TRPS1: variants seen among roughly 807,000 people sequenced by gnomAD.
The protein encoded by TRPS1 is zinc finger transcription factor Trps1.
A neutral mutation model predicts 101.2 loss-of-function variants in TRPS1; 6 were observed. That is an observed-to-expected ratio of 0.06 (90% CI 0.03 to 0.12). The LOEUF (loss-of-function observed/expected upper bound fraction) is 0.12. Among genes scored for constraint, TRPS1 ranks in the 10% least tolerant of loss-of-function variants. TRPS1 has a pLI of 1.00. For missense variants in TRPS1, 1,363 were observed against 1,567.0 expected, an observed-to-expected ratio of 0.87 and a Z score of 2.20; for synonymous variants, 578 against 589.8, an observed-to-expected ratio of 0.98 and a Z score of 0.29.
chr8:115,667,820 T>C (rs1811959345), intron 1 of TRPS1: 3 of 1,534,510 alleles, frequency 2.0e-6, no homozygotes, highest in Admixed American at 2.0e-5. Flanking sequence ...TTGGAGACCA[T>C]ACGGAGGCCC....
chr8:115,433,422 A>C (rs2129842240), intron 5 of TRPS1, among the ~76,000 whole-genome samples: 1 of 152,250 alleles, frequency 6.6e-6, no homozygotes, highest in Admixed American at 6.5e-5. Flanking sequence ...GATAATATTT[A>C]GTATTGCAAC....
intron 5 of TRPS1, among the ~76,000 whole-genome samples, chr8:115,519,482 G>A (rs1815803306): frequency 6.6e-6 from 1 of 151,414 alleles, no homozygotes; most frequent in Non-Finnish European, 1.5e-5. Flanking sequence ...AATTTATTTA[G>A]TGACTCAAAG....
In TRPS1 at chr8:115,604,526, A is replaced by T. The variant is rs749936713; in HGVS notation, c.1443T>A (p.Asn481Lys). The T allele has an allele frequency of 3.7e-6, 6 of 1,614,068 alleles. No individual in the cohort carries two copies. In the South Asian group the frequency reaches 6.6e-5, roughly 18 times the overall value. Residue 481 changes from asparagine to lysine, a missense_variant, in exon 4 of 7, where the codon AAT (asparagine) becomes AAA (lysine). Coordinates refer to ENST00000395715, the MANE Select transcript of TRPS1 (RefSeq NM_014112.5). The surrounding 1 kb of genome is among the most constrained non-coding windows in gnomAD (Gnocchi z 4.1). ...QHGAVQSGGL[N>K]PELNDKLSRG... ...TGGAAAGCTTATCATTTAACTCTGG[A>T]TTAAGGCCGCCTGACTGCACTGCTC...
At chr8:115,608,788 C>T (rs1818097648) in intron 3 of TRPS1, among the ~76,000 whole-genome samples, 1 of 151,648 alleles carries the variant, frequency 6.6e-6, no homozygotes, top group African/African-American at 2.4e-5. Context: ...AATTTACTTT[C>T]ATATATTTTT....
chr8:115,656,651 T>C (rs1265071236), intron 1 of TRPS1, among the ~76,000 whole-genome samples: 1 of 152,164 alleles, frequency 6.6e-6, no homozygotes. Flanking sequence ...ACTGTTTTTT[T>C]GAAGTGAAAA....
rs550030192 is a variant in TRPS1, at chr8:115,662,725, T to C, written c.-122+5820A>G. ...AAAAAAAAGGAAACTATAAATACTG[T>C]TTGATAAATAGGGTTAAAAAATTAT... On this transcript the variant is annotated intron_variant, in intron 1 of 6. Coordinates refer to ENST00000395715, the MANE Select transcript of TRPS1 (RefSeq NM_014112.5). Among the ~76,000 whole-genome samples, 20 of 150,954 alleles carry C rather than the reference T, an allele frequency of 1.3e-4. No individual in the cohort carries two copies. The East Asian group carries it at 3.7e-3, about 28-fold the overall frequency.
intron 5 of TRPS1, among the ~76,000 whole-genome samples, chr8:115,442,994 G>T (rs1813644958): frequency 6.6e-6 from 1 of 152,100 alleles, no homozygotes; most frequent in Non-Finnish European, 1.5e-5. Context: ...TGCCAGAGAG[G>T]CTGAGGCAGG....
intron 5 of TRPS1, among the ~76,000 whole-genome samples, chr8:115,491,557 A>G (rs1815021195): frequency 6.6e-6 from 1 of 151,968 alleles, no homozygotes; most frequent in East Asian, 1.9e-4. Context: ...AAGAGGGAGG[A>G]TTGTTTGAGA....
intron 5 of TRPS1, among the ~76,000 whole-genome samples, chr8:115,507,662 C>A (rs1240059149): frequency 6.6e-6 from 1 of 152,072 alleles, no homozygotes; most frequent in Non-Finnish European, 1.5e-5. Context: ...TTACTGTCAG[C>A]TGAATGACTT....
At chr8:115,544,619 A>G (rs1816528905) in intron 5 of TRPS1, among the ~76,000 whole-genome samples, 1 of 152,218 alleles carries the variant, frequency 6.6e-6, no homozygotes, top group African/African-American at 2.4e-5. Context: ...TACAATATTT[A>G]TAATAACTTA....
At chr8:115,536,051 A>G (rs1225085044) in intron 5 of TRPS1, among the ~76,000 whole-genome samples, 2 of 152,100 alleles carry the variant, frequency 1.3e-5, no homozygotes, top group Admixed American at 1.3e-4. Context: ...GATGATTATT[A>G]CTCAAAATAT....
intron 5 of TRPS1, among the ~76,000 whole-genome samples, chr8:115,539,491 C>T (rs878868315): frequency 1.3e-5 from 2 of 151,972 alleles, no homozygotes; most frequent in Non-Finnish European, 2.9e-5. Context: ...GTAAAGCAAT[C>T]GAATTTGAGT....
intron 5 of TRPS1, among the ~76,000 whole-genome samples, chr8:115,468,411 T>C (rs894528590): frequency 1.3e-5 from 2 of 152,130 alleles, no homozygotes; most frequent in African/African-American, 4.8e-5. Flanking sequence ...TGTGTGAAGG[T>C]TGATAAAAAT....
intron 5 of TRPS1, among the ~76,000 whole-genome samples, chr8:115,428,672 T>C (rs1813246443): frequency 1.3e-5 from 2 of 152,116 alleles, no homozygotes. Flanking sequence ...ACAGACTATC[T>C]CGGGAATACC....
At chr8:115,631,831 G>A (rs988156786) in intron 1 of TRPS1, among the ~76,000 whole-genome samples, 3 of 152,030 alleles carry the variant, frequency 2.0e-5, no homozygotes, top group African/African-American at 7.2e-5. Context: ...GACATCCAAG[G>A]AATCAAGGCA....
chr8:115,605,139 T>C (rs1818008538), intron 3 of TRPS1, 137 bp from the exon 4 acceptor site: 2 of 794,616 alleles, frequency 2.5e-6, no homozygotes, highest in Admixed American at 2.4e-5. Context: ...TGAAATCACT[T>C]GAATAATCAG....
intron 5 of TRPS1, among the ~76,000 whole-genome samples, chr8:115,521,804 C>A (rs1815869373): frequency 6.6e-6 from 1 of 151,822 alleles, no homozygotes. Flanking sequence ...GGTAAATATT[C>A]AAACTACTAT....
chr8:115,530,133 C>T (rs1041517758), intron 5 of TRPS1, among the ~76,000 whole-genome samples: 19 of 151,972 alleles, frequency 1.3e-4, no homozygotes, highest in Non-Finnish European at 2.4e-4. Context: ...ATAAACTGAC[C>T]GTGTTGTGTC....
chr8:115,415,210 T>G, intron 6 of TRPS1, 126 bp from the exon 7 acceptor site: 16 of 1,008,606 alleles, frequency 1.6e-5, no homozygotes, highest in Non-Finnish European at 2.1e-5. Context: ...TGCTGTAGAT[T>G]TACTAAATCT....
Sources: gnomAD v4.1 joint callset for allele counts (sites outside exome capture counted in the v4.1 genomes callset) on GRCh38, gnomAD v4.1.1 for gene constraint, Gnocchi (gnomAD v3.1) non-coding constraint, MANE v1.5 for transcripts, NCBI Gene and HGNC (gene_info 2026-07-23, HGNC 2026-07-21) for gene names.